The following GRID2 variants were observed in gnomAD, a reference collection of about 807,000 sequenced individuals.
GRID2 encodes glutamate ionotropic receptor delta type subunit 2, also known as glutamate receptor ionotropic, delta-2.
In GRID2, 33 loss-of-function variants were observed where a neutral mutation model predicts 114.8. The observed-to-expected ratio is 0.29, with a 90% CI of 0.22 to 0.38. The LOEUF (loss-of-function observed/expected upper bound fraction) is 0.38, where lower values mean the gene tolerates loss of function less well. GRID2 is among the 10% of genes least tolerant of loss of function. The probability of loss-of-function intolerance (pLI) is 1.00; values close to 1 mark genes in which losing one functional copy is unlikely to be tolerated. For synonymous variants in GRID2, 505 were observed against 449.9 expected (o/e 1.12, Z -1.55); for missense variants, 1,184 against 1,257.7 (o/e 0.94, Z 0.89).
intron 8 of GRID2, among the ~76,000 whole-genome samples, chr4:93,380,900 T>A (rs1763791466): frequency 6.6e-6 from 1 of 152,098 alleles, no homozygotes; most frequent in African/African-American, 2.4e-5. Flanking sequence ...TACATGGCGC[T>A]CACTGGGATA....
rs569483728 is a variant in GRID2 at position 92,910,874 on chromosome 4, A to AGT, written c.245-174120_245-174119dup. On this transcript the variant is annotated intron_variant, in intron 2 of 15. Transcript: ENST00000282020. ...TATTTAGGGAATAATGACAAGAAAA[A>AGT]GTCTGTACATGTTCAGTACAAACAC... 3.0e-4 allele frequency among the ~76,000 whole-genome samples: 46 copies of AGT among 152,248 alleles called. 1 individual carries two copies. In the East Asian group the frequency reaches 7.9e-3, roughly 26 times the overall value.
chr4:93,548,682 A>G (rs1733469635), intron 13 of GRID2, among the ~76,000 whole-genome samples: 1 of 152,182 alleles, frequency 6.6e-6, no homozygotes, highest in Non-Finnish European at 1.5e-5. Flanking sequence ...TGTCCTGGTC[A>G]TAGTCATATT....
At chr4:92,776,761 G>C (rs1738821351) in intron 2 of GRID2, among the ~76,000 whole-genome samples, 1 of 151,968 alleles carries the variant, frequency 6.6e-6, no homozygotes, top group Admixed American at 6.6e-5. Context: ...AAAGAAGATA[G>C]TTAATATATT....
intron 2 of GRID2, among the ~76,000 whole-genome samples, chr4:93,055,937 C>T (rs775658896): frequency 2.4e-4 from 37 of 151,894 alleles, no homozygotes; most frequent in Non-Finnish European, 4.9e-4. Context: ...ATGCTCCCCT[C>T]ATCTCCAAAA....
chr4:93,042,418 G>GTA (rs1434424350), intron 2 of GRID2, among the ~76,000 whole-genome samples: 2 of 146,718 alleles, frequency 1.4e-5, no homozygotes, highest in African/African-American at 5.0e-5. Flanking sequence ...ATATATACAT[G>GTA]TATATATATT....
At chr4:93,174,748 C>T (rs1399273198) in intron 4 of GRID2, among the ~76,000 whole-genome samples, 1 of 152,086 alleles carries the variant, frequency 6.6e-6, no homozygotes, top group Non-Finnish European at 1.5e-5. Context: ...TTCCAGCTTC[C>T]AGAACAGTGA....
At chr4:92,894,951 GC>G (rs1445804486) in intron 2 of GRID2, among the ~76,000 whole-genome samples, 2 of 151,914 alleles carry the variant, frequency 1.3e-5, no homozygotes, top group East Asian at 3.9e-4. Context: ...GCACTGTACG[GC>G]CATAATTGCT....
intron 2 of GRID2, among the ~76,000 whole-genome samples, chr4:92,978,047 T>C (rs1753975798): frequency 6.6e-6 from 1 of 152,104 alleles, no homozygotes; most frequent in South Asian, 2.1e-4. Context: ...CACCAAGGGA[T>C]AGTCTATATA....
chr4:92,491,042 A>C (rs887385944), intron 1 of GRID2, among the ~76,000 whole-genome samples: 1 of 152,126 alleles, frequency 6.6e-6, no homozygotes, highest in South Asian at 2.1e-4. Context: ...TTTACTTATA[A>C]TTTCTCCCTA....
chr4:92,887,187 G>A (rs1283527357), intron 2 of GRID2, among the ~76,000 whole-genome samples: 1 of 152,138 alleles, frequency 6.6e-6, no homozygotes, highest in Non-Finnish European at 1.5e-5. Flanking sequence ...ACTCTCCTGA[G>A]AGATGGTAAA....
intron 13 of GRID2, among the ~76,000 whole-genome samples, chr4:93,540,048 C>T (rs530221478): frequency 6.6e-6 from 1 of 151,624 alleles, no homozygotes; most frequent in African/African-American, 2.4e-5. Flanking sequence ...ATATTTAAAG[C>T]CTTCTGATTG....
intron 2 of GRID2, among the ~76,000 whole-genome samples, chr4:93,075,885 T>C (rs796855596): frequency 0.056 from 1,099 of 19,636 alleles, 6 homozygotes; most frequent in African/African-American, 0.23. Flanking sequence ...TTACCTCTCT[T>C]TTTTTTTTTT....
intron 8 of GRID2, among the ~76,000 whole-genome samples, chr4:93,370,432 C>T (rs373089461): frequency 4.1e-5 from 6 of 146,582 alleles, no homozygotes; most frequent in African/African-American, 1.6e-4. Flanking sequence ...CAAACACGCA[C>T]ACACAGGCAC....
intron 1 of GRID2, among the ~76,000 whole-genome samples, chr4:92,572,415 T>G (rs1446842010): frequency 6.6e-6 from 1 of 151,876 alleles, no homozygotes; most frequent in Non-Finnish European, 1.5e-5. Context: ...TCAAAAAAAG[T>G]CCAGGACCAG....
At chr4:92,512,400 G>C (rs1015513513) in intron 1 of GRID2, among the ~76,000 whole-genome samples, 3 of 151,614 alleles carry the variant, frequency 2.0e-5, no homozygotes, top group African/African-American at 7.3e-5. Flanking sequence ...GGATATATAC[G>C]ATTATTTTAA....
At chr4:93,474,041 A>G (rs866699576) in intron 11 of GRID2, among the ~76,000 whole-genome samples, 5 of 152,124 alleles carry the variant, frequency 3.3e-5, no homozygotes, top group Non-Finnish European at 5.9e-5. Flanking sequence ...CATATAATCT[A>G]TTATATCTAA....
intron 2 of GRID2, among the ~76,000 whole-genome samples, chr4:92,979,651 A>G (rs971287073): frequency 6.6e-6 from 1 of 152,160 alleles, no homozygotes; most frequent in Admixed American, 6.6e-5. Flanking sequence ...AAATCTAAAA[A>G]CTGCAAATCC....
At chr4:92,390,757 C>T (rs1730202376) in intron 1 of GRID2, among the ~76,000 whole-genome samples, 1 of 152,044 alleles carries the variant, frequency 6.6e-6, no homozygotes, top group South Asian at 2.1e-4. Context: ...AAGAAAAACA[C>T]TTCATATTTT....
chr4:93,132,464 T>C (rs1318181379), intron 4 of GRID2, among the ~76,000 whole-genome samples: 2 of 152,188 alleles, frequency 1.3e-5, no homozygotes, highest in African/African-American at 2.4e-5. Flanking sequence ...GAATGAACTA[T>C]TGAAAATCCT....
Sources: gnomAD v4.1 joint callset for allele counts (sites outside exome capture counted in the v4.1 genomes callset) on GRCh38, gnomAD v4.1.1 for gene constraint, MANE v1.5 for transcripts, NCBI Gene and HGNC (gene_info 2026-07-23, HGNC 2026-07-21) for gene names.